CDH23: variants seen among roughly 807,000 people sequenced by gnomAD.
CDH23 encodes cadherin related 23.
In CDH23, 189 loss-of-function variants were observed where a neutral mutation model predicts 317.1. The ratio of observed to expected loss-of-function variants is 0.60; its 90% CI spans 0.53 to 0.67. The LOEUF is 0.67. Among genes scored for constraint, CDH23 ranks in the 30% least tolerant of loss-of-function variants. The pLI is 0.00. For synonymous variants in CDH23, 1,839 were observed against 1,876.8 expected (o/e 0.98, Z 0.52); for missense variants, 4,401 against 4,592.4 (o/e 0.96, Z 1.20).
intron 9 of CDH23, among the ~76,000 whole-genome samples, chr10:71,580,816 G>A (rs1463375373): frequency 1.3e-5 from 2 of 152,042 alleles, no homozygotes; most frequent in South Asian, 2.1e-4. Context: ...GGTAAGAAAG[G>A]TAGGTAAGGG....
chr10:71,744,096 G>A (rs1297845009), intron 38 of CDH23, among the ~76,000 whole-genome samples: 2 of 152,154 alleles, frequency 1.3e-5, no homozygotes, highest in East Asian at 3.8e-4. Context: ...TAGCTGCAAG[G>A]GAGGTTAGAA....
In CDH23 at chr10:71,812,249, G is replaced by C. The variant is rs770290955; in HGVS notation, c.9381-231G>C. ...CAGGGGATGCAGACTTTGGGCAGTG[G>C]GTGCAGGGTGAAGCCTCTGCACCAA... is the stretch of plus-strand genomic sequence containing the variant. On this transcript the variant is annotated intron_variant, in intron 66 of 69. Coordinates refer to ENST00000224721, the MANE Select transcript of CDH23 (RefSeq NM_022124.6). 5.6e-6 allele frequency: 9 copies of C among 1,598,446 alleles called. No individual in the cohort carries two copies. In the African/African-American group the frequency reaches 1.2e-4, roughly 21 times the overall value.
At chr10:71,634,941 G>A (rs566186499) in intron 11 of CDH23, among the ~76,000 whole-genome samples, 1 of 152,232 alleles carries the variant, frequency 6.6e-6, no homozygotes, top group East Asian at 1.9e-4. Context: ...TACCCTCTGG[G>A]CTGACTGCTC....
At chr10:71,562,902 G>T (rs1857203926) in intron 6 of CDH23, among the ~76,000 whole-genome samples, 1 of 144,638 alleles carries the variant, frequency 6.9e-6, no homozygotes, top group Admixed American at 6.7e-5. Context: ...ACTCCAGCCA[G>T]ATAACAAGAT....
intron 34 of CDH23, among the ~76,000 whole-genome samples, chr10:71,735,889 G>A (rs763157462): frequency 8.6e-4 from 131 of 152,216 alleles, no homozygotes; most frequent in Non-Finnish European, 1.5e-3. Context: ...AGAGCGCTCG[G>A]GCAGTGGGTG....
chr10:71,567,201 G>C (rs1218739827), intron 7 of CDH23, among the ~76,000 whole-genome samples: 1 of 152,210 alleles, frequency 6.6e-6, no homozygotes. Context: ...CCACTTTGCA[G>C]ATGAGAAAAC....
intron 66 of CDH23, 183 bp from the exon 67 acceptor site, chr10:71,812,297 G>A (rs890496563): frequency 8.8e-6 from 14 of 1,598,832 alleles, no homozygotes; most frequent in East Asian, 6.7e-5. Context: ...CTGACATGCG[G>A]TCCTGGTTCC....
At chr10:71,403,400 TTTCTTTCTCTTCCTTCCTTC>T (rs1847914866) in intron 1 of CDH23, among the ~76,000 whole-genome samples, 1 of 86,240 alleles carries the variant, frequency 1.2e-5, no homozygotes, top group African/African-American at 5.6e-5. Context: ...TCTTTCTTTC[TTTCTTTCTCTTCCTTCCTTC>T]CTTCCTTCCT....
At chr10:71,770,957 T>A (rs1437665500) in intron 38 of CDH23, among the ~76,000 whole-genome samples, 1 of 152,036 alleles carries the variant, frequency 6.6e-6, no homozygotes, top group East Asian at 1.9e-4. Flanking sequence ...GGGCAGTGGG[T>A]TGTGGATTTC....
At chr10:71,417,912 T>G (rs1848600731) in intron 1 of CDH23, among the ~76,000 whole-genome samples, 1 of 152,238 alleles carries the variant, frequency 6.6e-6, no homozygotes, top group South Asian at 2.1e-4. Flanking sequence ...CCCAGCTCAT[T>G]CCAGTTATTT....
At chr10:71,496,064 T>C (rs1317163304) in intron 3 of CDH23, among the ~76,000 whole-genome samples, 1 of 152,230 alleles carries the variant, frequency 6.6e-6, no homozygotes, top group Non-Finnish European at 1.5e-5. Flanking sequence ...TGAGAATCAC[T>C]GCTCTAACCG....
At chr10:71,700,797 A>T (rs1265848040) in intron 22 of CDH23, among the ~76,000 whole-genome samples, 2 of 152,042 alleles carry the variant, frequency 1.3e-5, no homozygotes, top group African/African-American at 4.8e-5. Context: ...CCTCCCCAGG[A>T]CCCATGGACA....
At chr10:71,596,088 G>A (rs534297287) in intron 9 of CDH23, among the ~76,000 whole-genome samples, 5 of 152,110 alleles carry the variant, frequency 3.3e-5, no homozygotes, top group African/African-American at 1.2e-4. Context: ...CTTCTGCCTG[G>A]CCCTGCTCAG....
intron 27 of CDH23, chr10:71,712,458 G>A: frequency 1.7e-6 from 1 of 576,592 alleles, no homozygotes; most frequent in Non-Finnish European, 3.1e-6. Context: ...TGGGTTAGAA[G>A]AATGGCTGGC....
intron 11 of CDH23, among the ~76,000 whole-genome samples, chr10:71,630,312 G>A (rs937648616): frequency 3.3e-5 from 5 of 151,938 alleles, no homozygotes; most frequent in Non-Finnish European, 7.4e-5. Context: ...GTGAGTCATC[G>A]CACTCAACCT....
intron 14 of CDH23, among the ~76,000 whole-genome samples, chr10:71,658,438 T>G (rs1367445300): frequency 6.6e-6 from 1 of 152,210 alleles, no homozygotes; most frequent in Non-Finnish European, 1.5e-5. Flanking sequence ...TTCAACAAAT[T>G]GATTTTTGGC....
intron 6 of CDH23, among the ~76,000 whole-genome samples, chr10:71,533,560 C>CAA (rs1855532227): frequency 7.1e-6 from 1 of 141,476 alleles, no homozygotes; most frequent in African/African-American, 2.5e-5. Flanking sequence ...CACACACACA[C>CAA]ACACACACAC....
intron 68 of CDH23, 65 bp from the exon 69 acceptor site, chr10:71,813,179 A>T: frequency 2.1e-6 from 3 of 1,419,926 alleles, no homozygotes; most frequent in Non-Finnish European, 2.9e-6. Flanking sequence ...TCCCAGAGGG[A>T]GTGGGCGAGG....
chr10:71,533,570 CT>C lies in CDH23; in HGVS notation c.429+22359del, dbSNP rs68046759. Among the ~76,000 whole-genome samples, 391 of 112,356 alleles carry C rather than the reference CT, an allele frequency of 3.5e-3. 6 individuals carry two copies. The highest frequency in any genetic ancestry group is 7.5e-3 in the African/African-American group (223 of 29,804). The allele number at this position is 112,356 out of a possible 152,430, so 73.7% of individuals were successfully genotyped here. On this transcript the variant is annotated intron_variant, in intron 6 of 69. Transcript: ENST00000224721. ...ACACACACACACACACACACACACA[CT>C]GGCTGGGGCTGCAGAGGCCAGAAGG...
Sources: gnomAD v4.1 joint callset for allele counts (sites outside exome capture counted in the v4.1 genomes callset) on GRCh38, gnomAD v4.1.1 for gene constraint, MANE v1.5 for transcripts, NCBI Gene and HGNC (gene_info 2026-07-23, HGNC 2026-07-21) for gene names.